Variants in TUB observed in about 807,000 individuals in gnomAD.
TUB encodes tubby protein homolog.
TUB carries 33 observed loss-of-function variants against 59.7 expected under a neutral mutation model. The observed-to-expected ratio is 0.55, with a 90% CI of 0.42 to 0.74. The LOEUF is 0.74. Among genes scored for constraint, TUB ranks in the 30% least tolerant of loss-of-function variants. The probability of loss-of-function intolerance (pLI) is 0.00; values close to 1 mark genes in which losing one functional copy is unlikely to be tolerated. For missense variants in TUB, 659 were observed against 672.0 expected, an observed-to-expected ratio of 0.98 and a Z score of 0.21; for synonymous variants, 293 against 256.4, an observed-to-expected ratio of 1.14 and a Z score of -1.36.
chr11:8,066,088 C>T (rs930806826), intron 2 of TUB, among the ~76,000 whole-genome samples: 1 of 152,050 alleles, frequency 6.6e-6, no homozygotes, highest in Non-Finnish European at 1.5e-5. Context: ...CAGAGTTGGC[C>T]GAGGAGGAAG....
At chr11:8,093,985 G>A (rs893219932) in intron 3 of TUB, 61 bp from the exon 4 acceptor site, 1 of 1,606,406 alleles carries the variant, frequency 6.2e-7, no homozygotes, top group African/African-American at 1.3e-5. Context: ...GTTCAGGTGG[G>A]AGCTCTGGTC....
Position 8,101,679 on chromosome 11 carries a change from T to C in TUB, c.*60T>C. On this transcript the variant is annotated 3_prime_UTR_variant, in exon 12 of 12. Coordinates refer to ENST00000299506, the MANE Select transcript of TUB (RefSeq NM_177972.3). Reference sequence around the variant, plus strand: ...GGAGCGGAGCTTGCCTGCCTGCCTGTGGAGACAGCCCTGCCTATCCTCTGT... The same window carrying C: ...GGAGCGGAGCTTGCCTGCCTGCCTGCGGAGACAGCCCTGCCTATCCTCTGT... The C allele has an allele frequency of 6.3e-7, 1 of 1,591,656 alleles. No homozygotes were observed. The highest frequency in any genetic ancestry group is 8.6e-7 in the Non-Finnish European group (1 of 1,169,546).
chr11:8,104,019 T>C lies in TUB; in HGVS notation c.*2400T>C, dbSNP rs1163129489. 6.6e-6 allele frequency: 1 copy of C among 152,196 alleles called. No homozygotes were observed. Among genetic ancestry groups the C allele is most frequent in the Admixed American group, 6.5e-5 (1 of 15,280 alleles). 9.4% of individuals were successfully genotyped at this position (152,196 alleles called of 1,614,324 possible). ...CTCAGCCACAAAACTCTGTCAGGCA[T>C]TGAATGACAAGCATCAGTAGCTGAG... On this transcript the variant is annotated 3_prime_UTR_variant, in exon 12 of 12. Transcript: ENST00000299506.
At position 8,104,108 on chromosome 11, in the gene TUB, G is replaced by C. The variant is rs1400367806; in HGVS notation, c.*2489G>C. On this transcript the variant is annotated 3_prime_UTR_variant, in exon 12 of 12. Transcript: ENST00000299506. ...CCTGGGGCCATGGGTGCATGGACTC[G>C]TAAAGCTGCTAGGGCCCCTAGAAAC... 6.6e-6 allele frequency: 1 copy of C among 152,246 alleles called. No individual in the cohort carries two copies. The highest frequency in any genetic ancestry group is 6.5e-5 in the Admixed American group (1 of 15,280). 9.4% of individuals were successfully genotyped at this position (152,246 alleles called of 1,614,324 possible). A position where few individuals can be genotyped will look rare whatever the true frequency, so the allele number is the denominator to read the frequency against.
At position 8,029,457 on chromosome 11, in the gene TUB, C is replaced by T. The variant is rs142673317; in HGVS notation, c.56+10099C>T. Among the ~76,000 whole-genome samples the T allele has an allele frequency of 1.6e-3, 236 of 149,576 alleles. 8 individuals carry two copies. In the East Asian group the frequency reaches 0.04, roughly 25 times the overall value. On this transcript the variant is annotated intron_variant, in intron 1 of 11. Transcript: ENST00000534099. Reference sequence around the variant, plus strand: ...AGGCTGGAGTGCAGTGGTGCGACCTCGGCTCACTGCAACCTCTGCCTCTCA... The same window carrying T: ...AGGCTGGAGTGCAGTGGTGCGACCTTGGCTCACTGCAACCTCTGCCTCTCA...
In TUB at chr11:8,027,576, G is replaced by A. The variant is rs149886883; in HGVS notation, c.56+8218G>A. Among the ~76,000 whole-genome samples the A allele has an allele frequency of 1.7e-3, 256 of 152,136 alleles. 1 individual carries two copies. Among genetic ancestry groups the A allele is most frequent in the African/African-American group, 5.0e-3 (206 of 41,490 alleles). On this transcript the variant is annotated intron_variant, in intron 1 of 11. Transcript: ENST00000534099. The stretch of plus-strand genomic sequence containing the variant: ...GTCTCCCAGGCTGGAGGGCAGTGGC[G>A]CGACCTCAGCTCACTGCAACCTCTG...
chr11:8,038,820 C>G, exon 1 of TUB: 2 of 1,590,944 alleles, frequency 1.3e-6, no homozygotes, highest in Non-Finnish European at 1.7e-6. Flanking sequence ...CCAGGTCTTA[C>G]TATGCAGCCT....
Position 8,089,270 on chromosome 11 carries a change from C to A in TUB, c.39-340C>A, listed in dbSNP as rs560035520. On this transcript the variant is annotated intron_variant, in intron 1 of 11. Transcript: ENST00000299506. ...GTTTGAAGCCTGGCCTCGGGCCTGG[C>A]TTGTTGCTGGGATGCCTCTGGATAG... 5.7e-4 allele frequency among the ~76,000 whole-genome samples: 87 copies of A among 152,246 alleles called. 2 individuals carry two copies. In the South Asian group the frequency reaches 0.018, roughly 31 times the overall value.
intron 2 of TUB, among the ~76,000 whole-genome samples, chr11:8,054,016 G>C (rs1942975781): frequency 1.3e-5 from 2 of 151,754 alleles, no homozygotes; most frequent in Non-Finnish European, 2.9e-5. Flanking sequence ...TCGGGAGGCT[G>C]AGGCAGGAGA....
intron 1 of TUB, among the ~76,000 whole-genome samples, chr11:8,030,619 G>T (rs531362817): frequency 1.3e-5 from 2 of 152,292 alleles, no homozygotes; most frequent in South Asian, 4.1e-4. Context: ...GGAACAGCCT[G>T]TCCATGCTTT....
rs952988780 is a variant in TUB at position 8,093,180 on chromosome 11, C to T, written c.254-866C>T. Among the ~76,000 whole-genome samples the T allele has an allele frequency of 6.6e-5, 10 of 151,892 alleles. 1 individual carries two copies. The highest frequency in any genetic ancestry group is 2.2e-4 in the African/African-American group (9 of 41,328). ...CCTGCTCTGACGAGGGAGGCAGGCA[C>T]AGCGTCCCTCGGGAGGTGACATCCA... On this transcript the variant is annotated intron_variant, in intron 3 of 11. Coordinates refer to ENST00000299506, the MANE Select transcript of TUB (RefSeq NM_177972.3).
At chr11:8,096,005 CCCA>C (rs1943978506) in intron 5 of TUB, among the ~76,000 whole-genome samples, 1 of 152,202 alleles carries the variant, frequency 6.6e-6, no homozygotes, top group Non-Finnish European at 1.5e-5. Context: ...GTTCAGTTTT[CCCA>C]CCACAAGCCC....
In TUB at chr11:8,101,959, A is replaced by G. The variant is rs1944326989; in HGVS notation, c.*340A>G. 2 of 308,048 alleles carry G rather than the reference A, an allele frequency of 6.5e-6. No homozygotes were observed. Among genetic ancestry groups the G allele is most frequent in the Admixed American group, 9.0e-5 (2 of 22,218 alleles). 19.1% of individuals were successfully genotyped at this position (308,048 alleles called of 1,614,324 possible). On this transcript the variant is annotated 3_prime_UTR_variant, in exon 12 of 12. Coordinates refer to ENST00000299506, the MANE Select transcript of TUB (RefSeq NM_177972.3). Reference sequence around the variant, plus strand: ...CAGCTGGGAAGGCCGCAAGAGGCATAGAGGGAGAGGAAGCACACTGCAGGG... The same window carrying G: ...CAGCTGGGAAGGCCGCAAGAGGCATGGAGGGAGAGGAAGCACACTGCAGGG...
intron 4 of TUB, among the ~76,000 whole-genome samples, chr11:8,094,396 C>T (rs760154735): frequency 6.6e-6 from 1 of 152,128 alleles, no homozygotes; most frequent in Non-Finnish European, 1.5e-5. Context: ...TGTGGGCATG[C>T]CTACCACACT....
Position 8,081,246 on chromosome 11 carries a change from G to T in TUB, c.-265G>T. On this transcript the variant is annotated 5_prime_UTR_variant, in exon 1 of 12. Transcript: ENST00000299506. Reference sequence around the variant, plus strand: ...TGGCGCCAGAGGGGCGCGGGACGGTGCGGTCGGCCTCCCCGCCTCCACGCG... The same window carrying T: ...TGGCGCCAGAGGGGCGCGGGACGGTTCGGTCGGCCTCCCCGCCTCCACGCG... 2.5e-6 allele frequency: 1 copy of T among 398,376 alleles called. No individual in the cohort carries two copies. The highest frequency in any genetic ancestry group is 1.0e-4 in the South Asian group (1 of 9,696). The allele number at this position is 398,376 out of a possible 1,614,324, so 24.7% of individuals were successfully genotyped here.
intron 2 of TUB, among the ~76,000 whole-genome samples, chr11:8,052,677 G>A (rs1287641434): frequency 3.9e-5 from 6 of 152,068 alleles, no homozygotes; most frequent in South Asian, 2.1e-4. Context: ...AGGTTTCACC[G>A]TGTTAGCCAG....
chr11:8,104,405 A>G lies in TUB; in HGVS notation c.*2786A>G, dbSNP rs1212869618. ...TAGCTTTCCTTTCCTTCTGGCTCCAAGGTGCTCTGTGTCCGTCTGTGTATG... is the reference window on the plus strand; with the variant it reads ...TAGCTTTCCTTTCCTTCTGGCTCCAGGGTGCTCTGTGTCCGTCTGTGTATG... On this transcript the variant is annotated 3_prime_UTR_variant, in exon 12 of 12. Transcript: ENST00000299506. The G allele has an allele frequency of 6.6e-6, 1 of 152,204 alleles. No homozygotes were observed. The highest frequency in any genetic ancestry group is 1.9e-4 in the East Asian group (1 of 5,200). The allele number at this position is 152,204 out of a possible 1,614,324, so 9.4% of individuals were successfully genotyped here. A position where few individuals can be genotyped will look rare whatever the true frequency, so the allele number is the denominator to read the frequency against.
intron 4 of TUB, 62 bp downstream of exon 4, chr11:8,094,251 A>G: frequency 1.3e-6 from 2 of 1,524,712 alleles, no homozygotes; most frequent in Non-Finnish European, 1.8e-6. Context: ...GGGCTGGGGA[A>G]GGTTTGTCCT....
At chr11:8,069,567 G>C (rs1364177903) in intron 2 of TUB, among the ~76,000 whole-genome samples, 1 of 152,060 alleles carries the variant, frequency 6.6e-6, no homozygotes, top group Non-Finnish European at 1.5e-5. Context: ...TGGGATTGGT[G>C]CTCCTCTCAT....
Sources: allele counts gnomAD v4.1 joint callset (sites outside exome capture counted in the v4.1 genomes callset), GRCh38; gene constraint gnomAD v4.1.1; transcripts MANE v1.5; gene names NCBI Gene and HGNC (gene_info 2026-07-23, HGNC 2026-07-21).